WASL: variants seen among roughly 807,000 people sequenced by gnomAD.
WASL encodes the protein actin nucleation-promoting factor WASL.
A neutral mutation model predicts 55.5 loss-of-function variants in WASL; 20 were observed. That is an observed-to-expected ratio of 0.36 (90% CI 0.25 to 0.52). The LOEUF (loss-of-function observed/expected upper bound fraction) is 0.52. WASL is among the 20% of genes least tolerant of loss of function. The pLI, the probability that WASL is intolerant of heterozygous loss-of-function variation, is 0.92. For synonymous variants in WASL, 249 were observed against 217.6 expected (o/e 1.14, Z -1.27); for missense variants, 504 against 622.5 (o/e 0.81, Z 2.03).
intron 1 of WASL, among the ~76,000 whole-genome samples, chr7:123,714,693 G>C: frequency 6.6e-6 from 1 of 152,042 alleles, no homozygotes; most frequent in Non-Finnish European, 1.5e-5. Flanking sequence ...GAAAATGAGG[G>C]CAAATACAAA....
intron 5 of WASL, among the ~76,000 whole-genome samples, chr7:123,699,038 T>A (rs985890633): frequency 6.6e-6 from 1 of 152,320 alleles, no homozygotes; most frequent in Non-Finnish European, 1.5e-5. Flanking sequence ...TTGTTTCTTA[T>A]CTTTATATCT....
At chr7:123,731,775 C>T (rs939202597) in intron 1 of WASL, among the ~76,000 whole-genome samples, 1 of 151,364 alleles carries the variant, frequency 6.6e-6, no homozygotes, top group Non-Finnish European at 1.5e-5. Flanking sequence ...AAAATGAGTA[C>T]AATGCAGGAA....
rs1349392854 is a variant in WASL at position 123,692,598 on chromosome 7, A to G, written c.1096T>C (p.Leu366=). The part of the protein sequence containing the change: ...SGPPPPPPSV[L]GVGPVAPPPP... ...GGTGGTGCCACTGGCCCTACCCCCAACACAGATGGAGGTGGTGGTGGAGGC... is the reference window on the plus strand; with the variant it reads ...GGTGGTGCCACTGGCCCTACCCCCAGCACAGATGGAGGTGGTGGTGGAGGC... The change falls in exon 9 of 11, where the codon TTG becomes CTG. Residue 366 remains leucine (L), a synonymous_variant. Transcript: ENST00000223023. The G allele has an allele frequency of 3.1e-6, 5 of 1,607,764 alleles. No individual in the cohort carries two copies. In the East Asian group the frequency reaches 1.1e-4, roughly 36 times the overall value.
At chr7:123,712,467 C>T (rs1803774268) in intron 1 of WASL, among the ~76,000 whole-genome samples, 1 of 151,994 alleles carries the variant, frequency 6.6e-6, no homozygotes. Flanking sequence ...GGCATTATGT[C>T]TGCAACTTAT....
intron 1 of WASL, among the ~76,000 whole-genome samples, chr7:123,729,836 T>G (rs1362817054): frequency 6.6e-6 from 1 of 152,138 alleles, no homozygotes; most frequent in Non-Finnish European, 1.5e-5. Context: ...GTTAAAAGCT[T>G]CTCAAACTTT....
At chr7:123,701,628 G>T (rs1803591565) in intron 5 of WASL, among the ~76,000 whole-genome samples, 1 of 152,282 alleles carries the variant, frequency 6.6e-6, no homozygotes, top group African/African-American at 2.4e-5. Flanking sequence ...GTGGTAAACT[G>T]ATAATCTAAA....
rs1020979528 is a variant in WASL at position 123,682,389 on chromosome 7, A to C, written c.*2130T>G. 6 of 152,264 alleles carry C rather than the reference A, an allele frequency of 3.9e-5. No individual in the cohort carries two copies. The highest frequency in any genetic ancestry group is 1.3e-4 in the Admixed American group (2 of 15,282). 9.4% of individuals were successfully genotyped at this position (152,264 alleles called of 1,614,324 possible). On this transcript the variant is annotated 3_prime_UTR_variant, in exon 11 of 11. Coordinates refer to ENST00000223023, the MANE Select transcript of WASL (RefSeq NM_003941.4). ...AGTAATTTAGACTTTTTGTAACAAC[A>C]ACCAATGTCTTTTTCTTCTTTAAGA...
chr7:123,691,461 A>G (rs146473971), intron 9 of WASL, among the ~76,000 whole-genome samples: 60 of 152,258 alleles, frequency 3.9e-4, no homozygotes, highest in Non-Finnish European at 7.2e-4. Context: ...AAATAAGAGT[A>G]TTTTTGATAT....
At chr7:123,723,740 C>T (rs753655635) in intron 1 of WASL, among the ~76,000 whole-genome samples, 1 of 152,150 alleles carries the variant, frequency 6.6e-6, no homozygotes, top group Non-Finnish European at 1.5e-5. Context: ...CCAATAACTC[C>T]TGCTGTTTTT....
chr7:123,742,159 A>G (rs1332039128), intron 1 of WASL, among the ~76,000 whole-genome samples: 1 of 152,240 alleles, frequency 6.6e-6, no homozygotes, highest in African/African-American at 2.4e-5. Context: ...TATCCAGAGC[A>G]CAGCAAGAAC....
rs1389645318 is a variant in WASL at position 123,696,762 on chromosome 7, A to G, written c.461-15T>C. On this transcript the variant is annotated splice_polypyrimidine_tract_variant and intron_variant, in intron 5 of 10. Coordinates refer to ENST00000223023, the MANE Select transcript of WASL (RefSeq NM_003941.4). ...TAGATTAGGACCTGCAAATAAAACCAAATTATATAAAAGGGATATAATTTA... is the reference window on the plus strand; with the variant it reads ...TAGATTAGGACCTGCAAATAAAACCGAATTATATAAAAGGGATATAATTTA... 6.7e-7 allele frequency: 1 copy of G among 1,485,162 alleles called. No individual in the cohort carries two copies. Among genetic ancestry groups the G allele is most frequent in the Non-Finnish European group, 9.0e-7 (1 of 1,115,730 alleles). The allele number at this position is 1,485,162 out of a possible 1,614,324, so 92.0% of individuals were successfully genotyped here. A position where few individuals can be genotyped will look rare whatever the true frequency, so the allele number is the denominator to read the frequency against.
intron 1 of WASL, among the ~76,000 whole-genome samples, chr7:123,710,159 T>C (rs1401590430): frequency 6.6e-6 from 1 of 152,110 alleles, no homozygotes; most frequent in Non-Finnish European, 1.5e-5. Flanking sequence ...GATACACACT[T>C]ACACTGATAA....
At chr7:123,707,867 G>C (rs1442139222) in intron 2 of WASL, among the ~76,000 whole-genome samples, 1 of 152,134 alleles carries the variant, frequency 6.6e-6, no homozygotes, top group African/African-American at 2.4e-5. Context: ...ATATCTCTCA[G>C]CTGTCTTGGA....
intron 9 of WASL, among the ~76,000 whole-genome samples, chr7:123,691,927 A>ATT (rs1217110809): frequency 6.6e-6 from 1 of 152,194 alleles, no homozygotes; most frequent in Non-Finnish European, 1.5e-5. Flanking sequence ...CTTAATAAGG[A>ATT]TTTTTCTTTA....
At chr7:123,729,017 A>G (rs1804098930) in intron 1 of WASL, among the ~76,000 whole-genome samples, 1 of 152,212 alleles carries the variant, frequency 6.6e-6, no homozygotes, top group Non-Finnish European at 1.5e-5. Context: ...AAATGTTAAT[A>G]AGTGTTATTT....
intron 1 of WASL, among the ~76,000 whole-genome samples, chr7:123,721,833 T>C (rs1196832741): frequency 6.6e-6 from 1 of 152,092 alleles, no homozygotes; most frequent in Non-Finnish European, 1.5e-5. Context: ...GCAAGAGAAA[T>C]GCTTGAACCC....
At chr7:123,694,196 C>CA (rs1803457179) in intron 8 of WASL, among the ~76,000 whole-genome samples, 4 of 151,998 alleles carry the variant, frequency 2.6e-5, no homozygotes, top group Admixed American at 2.0e-4. Flanking sequence ...ATTATTAAGA[C>CA]AAAACTGAAA....
intron 1 of WASL, among the ~76,000 whole-genome samples, chr7:123,737,910 T>C (rs2116823421): frequency 6.6e-6 from 1 of 152,138 alleles, no homozygotes; most frequent in South Asian, 2.1e-4. Flanking sequence ...AAAAGATAAA[T>C]GACAAACCAC....
chr7:123,685,457 A>G (rs1373734452), intron 10 of WASL, among the ~76,000 whole-genome samples: 1 of 151,990 alleles, frequency 6.6e-6, no homozygotes, highest in Admixed American at 6.6e-5. Flanking sequence ...TCTTCGTTAA[A>G]CTGAATCTTT....
Sources: gnomAD v4.1 joint callset for allele counts (sites outside exome capture counted in the v4.1 genomes callset) on GRCh38, gnomAD v4.1.1 for gene constraint, MANE v1.5 for transcripts, NCBI Gene and HGNC (gene_info 2026-07-23, HGNC 2026-07-21) for gene names.